The following GPR176 variants were observed in gnomAD, a reference collection of about 807,000 sequenced individuals.
GPR176 encodes the protein G protein-coupled receptor 176.
GPR176 carries 26 observed loss-of-function variants against 35.4 expected under a neutral mutation model. The ratio of observed to expected loss-of-function variants is 0.74; its 90% CI spans 0.54 to 1.02. The LOEUF is 1.02. Ranked by LOEUF, GPR176 falls within the 50% of genes least tolerant of loss-of-function variation. The pLI, the probability that GPR176 is intolerant of heterozygous loss-of-function variation, is 0.00. For missense variants in GPR176, 597 were observed against 665.3 expected (o/e 0.90, Z 1.13); for synonymous variants, 278 against 271.3 (o/e 1.02, Z -0.24).
chr15:39,851,342 G>A (rs1171634920), intron 1 of GPR176, among the ~76,000 whole-genome samples: 1 of 152,150 alleles, frequency 6.6e-6, no homozygotes. Context: ...AAGTACTGCT[G>A]AGTCACAAAC....
At chr15:39,860,553 GT>G (rs2031523998) in intron 1 of GPR176, among the ~76,000 whole-genome samples, 2 of 152,142 alleles carry the variant, frequency 1.3e-5, no homozygotes, top group African/African-American at 4.8e-5. Flanking sequence ...ATTTTAGAGT[GT>G]CTGTTGAGAA....
At chr15:39,806,141 C>T (rs541331205) in intron 2 of GPR176, among the ~76,000 whole-genome samples, 2 of 152,286 alleles carry the variant, frequency 1.3e-5, no homozygotes, top group Non-Finnish European at 2.9e-5. Context: ...ACAAAGAGTT[C>T]TAAATTTTCA....
chr15:39,865,702 C>T (rs961250274), intron 1 of GPR176, among the ~76,000 whole-genome samples: 1 of 151,956 alleles, frequency 6.6e-6, no homozygotes, highest in Non-Finnish European at 1.5e-5. Context: ...TAAATTTATA[C>T]CAAAAAAGGA....
At chr15:39,824,213 G>C (rs997522591) in intron 1 of GPR176, among the ~76,000 whole-genome samples, 3 of 152,188 alleles carry the variant, frequency 2.0e-5, no homozygotes, top group Non-Finnish European at 2.9e-5. Context: ...AGCTTCCTGA[G>C]GCCAGAAGCA....
intron 1 of GPR176, among the ~76,000 whole-genome samples, chr15:39,886,935 T>C (rs1044721317): frequency 6.6e-6 from 1 of 152,184 alleles, no homozygotes; most frequent in East Asian, 1.9e-4. Flanking sequence ...AACTCCAGCA[T>C]CAAGCAGTCT....
At chr15:39,890,411 A>G (rs2032828277) in intron 1 of GPR176, among the ~76,000 whole-genome samples, 1 of 152,230 alleles carries the variant, frequency 6.6e-6, no homozygotes, top group Non-Finnish European at 1.5e-5. Context: ...CAGTTTATGA[A>G]ACTTAACAGA....
chr15:39,918,059 A>AAG (rs1319296423), intron 1 of GPR176, among the ~76,000 whole-genome samples: 1 of 151,398 alleles, frequency 6.6e-6, no homozygotes, highest in African/African-American at 2.4e-5. Flanking sequence ...AAAAAAAAAA[A>AAG]AAAAAGACTC....
intron 1 of GPR176, among the ~76,000 whole-genome samples, chr15:39,898,832 G>C (rs1165014533): frequency 1.3e-5 from 2 of 152,154 alleles, no homozygotes; most frequent in Non-Finnish European, 2.9e-5. Context: ...GACTATGAAA[G>C]GAAGAAGAAA....
At chr15:39,814,954 T>C (rs984265130) in intron 1 of GPR176, 2 of 152,204 alleles carry the variant, frequency 1.3e-5, no homozygotes, top group African/African-American at 4.8e-5. Flanking sequence ...TCATCTATAA[T>C]GTGAACATAA....
chr15:39,899,480 T>A (rs947985030), intron 1 of GPR176, among the ~76,000 whole-genome samples: 1 of 152,154 alleles, frequency 6.6e-6, no homozygotes, highest in Non-Finnish European at 1.5e-5. Flanking sequence ...CATTGATGTA[T>A]GAGAAGTGCC....
chr15:39,837,627 C>CAGT (rs547696218), intron 1 of GPR176, among the ~76,000 whole-genome samples: 5 of 152,156 alleles, frequency 3.3e-5, no homozygotes, highest in Admixed American at 3.3e-4. Flanking sequence ...GTAGTGGTAA[C>CAGT]AGTAGTAGTA....
intron 1 of GPR176, among the ~76,000 whole-genome samples, chr15:39,895,286 A>AG (rs1566965992): frequency 0.07 from 1,001 of 14,400 alleles, 35 homozygotes; most frequent in African/African-American, 0.17. Flanking sequence ...CCGTGGGGAG[A>AG]GGAAGAGGGG....
In GPR176 at chr15:39,894,561, G is replaced by A. The variant is rs566663956; in HGVS notation, c.172+25294C>T. On this transcript the variant is annotated intron_variant, in intron 1 of 2. Transcript: ENST00000561100. ...CAGACAGGGTCGCGGCCGGGCAGAG[G>A]TGCTCCTCACATCCCAGACGGGGCG... is the stretch of plus-strand genomic sequence containing the variant. 1.4e-3 allele frequency: 250 copies of A among 184,382 alleles called. 1 individual carries two copies. Among genetic ancestry groups the A allele is most frequent in the Non-Finnish European group, 2.3e-3 (207 of 88,808 alleles). The allele number at this position is 184,382 out of a possible 1,614,324, so 11.4% of individuals were successfully genotyped here. A position where few individuals can be genotyped will look rare whatever the true frequency, so the allele number is the denominator to read the frequency against.
At chr15:39,877,391 T>G (rs2032291385) in intron 1 of GPR176, among the ~76,000 whole-genome samples, 1 of 152,146 alleles carries the variant, frequency 6.6e-6, no homozygotes, top group African/African-American at 2.4e-5. Context: ...CAAATCCAAA[T>G]GTAGGCAAAC....
At chr15:39,805,056 ACTTGTATAC>A (rs1899106860) in intron 2 of GPR176, among the ~76,000 whole-genome samples, 1 of 152,214 alleles carries the variant, frequency 6.6e-6, no homozygotes, top group African/African-American at 2.4e-5. Context: ...AAATTCATTG[ACTTGTATAC>A]TTCCAATAGG....
At chr15:39,912,600 A>G (rs1340677857) in intron 1 of GPR176, among the ~76,000 whole-genome samples, 1 of 151,102 alleles carries the variant, frequency 6.6e-6, no homozygotes, top group Admixed American at 6.6e-5. Flanking sequence ...CCTGGGTGAC[A>G]GAGTGAGACC....
In GPR176 at chr15:39,821,839, C is replaced by T. The variant is rs1227075950; in HGVS notation, c.173-14581G>A. On this transcript the variant is annotated intron_variant, in intron 1 of 2. Transcript: ENST00000561100. The stretch of plus-strand genomic sequence containing the variant: ...AAAGCAAATATTGTAAGCCCCTCTT[C>T]ATCAGCCTCTAAGATGGTCAATGAT... Among the ~76,000 whole-genome samples, 3 of 152,240 alleles carry T rather than the reference C, an allele frequency of 2.0e-5. No individual in the cohort carries two copies. In the East Asian group the frequency reaches 5.8e-4, roughly 29 times the overall value.
intron 1 of GPR176, among the ~76,000 whole-genome samples, chr15:39,885,007 A>G (rs1245154510): frequency 6.6e-6 from 1 of 152,242 alleles, no homozygotes; most frequent in Non-Finnish European, 1.5e-5. Context: ...TCTACAAGTC[A>G]AAAACCATCA....
intron 1 of GPR176, among the ~76,000 whole-genome samples, chr15:39,817,012 T>C (rs1899950413): frequency 7.4e-6 from 1 of 134,516 alleles, no homozygotes; most frequent in African/African-American, 2.9e-5. Context: ...GAGGCTACAG[T>C]GAGCTATGAT....
Sources: allele counts gnomAD v4.1 joint callset (sites outside exome capture counted in the v4.1 genomes callset), GRCh38; gene constraint gnomAD v4.1.1; transcripts MANE v1.5; gene names NCBI Gene and HGNC (gene_info 2026-07-23, HGNC 2026-07-21).